The following ADAMTS9 variants were observed in gnomAD, a reference collection of about 807,000 sequenced individuals.
The protein encoded by ADAMTS9 is A disintegrin and metalloproteinase with thrombospondin motifs 9.
A neutral mutation model predicts 257.1 loss-of-function variants in ADAMTS9; 107 were observed. The observed-to-expected ratio is 0.42, with a 90% CI of 0.36 to 0.49. The LOEUF (loss-of-function observed/expected upper bound fraction) is 0.49. Ranked by LOEUF, ADAMTS9 falls within the 20% of genes least tolerant of loss-of-function variation. The pLI is 0.03. For synonymous variants in ADAMTS9, 982 were observed against 880.9 expected, an observed-to-expected ratio of 1.11 and a Z score of -2.03; for missense variants, 2,353 against 2,469.1, an observed-to-expected ratio of 0.95 and a Z score of 1.00.
intron 22 of ADAMTS9, among the ~76,000 whole-genome samples, chr3:64,610,914 A>C (rs939657872): frequency 1.3e-5 from 2 of 151,836 alleles, no homozygotes; most frequent in African/African-American, 2.4e-5. Flanking sequence ...GTCTCTACTA[A>C]AAATACAAAA....
chr3:64,649,958 T>A, intron 9 of ADAMTS9, 180 bp from the exon 10 acceptor site: 2 of 749,656 alleles, frequency 2.7e-6, no homozygotes, highest in Non-Finnish European at 4.1e-6. Context: ...TTTTGCTGTT[T>A]ACTTTGTAGA....
chr3:64,587,386 A>G (rs2084179634), intron 28 of ADAMTS9: 1 of 152,156 alleles, frequency 6.6e-6, no homozygotes, highest in South Asian at 2.1e-4. Context: ...ATTGTTAGAG[A>G]TGTCCTGTTG....
chr3:64,682,925 T>C (rs1701794058), intron 2 of ADAMTS9, among the ~76,000 whole-genome samples: 1 of 152,214 alleles, frequency 6.6e-6, no homozygotes, highest in African/African-American at 2.4e-5. Flanking sequence ...ATTTAGGGCA[T>C]TACCCCCTAC....
chr3:64,558,677 C>A (rs1389138906), intron 30 of ADAMTS9, among the ~76,000 whole-genome samples: 1 of 152,100 alleles, frequency 6.6e-6, no homozygotes, highest in African/African-American at 2.4e-5. Context: ...ACCAAGCATG[C>A]AATACACCTT....
chr3:64,548,316 C>T (rs1168165892), intron 31 of ADAMTS9, among the ~76,000 whole-genome samples: 2 of 152,150 alleles, frequency 1.3e-5, no homozygotes, highest in Non-Finnish European at 2.9e-5. Context: ...CATAGAAATG[C>T]TCTGTGTACA....
chr3:64,683,159 A>T (rs375653011), intron 2 of ADAMTS9, among the ~76,000 whole-genome samples: 1 of 152,286 alleles, frequency 6.6e-6, no homozygotes, highest in East Asian at 1.9e-4. Context: ...CAAATCAGAG[A>T]GCATATCACA....
chr3:64,574,571 A>AAG (rs1209323908), intron 28 of ADAMTS9, among the ~76,000 whole-genome samples: 4 of 151,688 alleles, frequency 2.6e-5, no homozygotes, highest in Admixed American at 6.6e-5. Context: ...AAAAAAAAAA[A>AAG]AAAAAAGAAA....
At chr3:64,557,804 C>T (rs2083359664) in intron 30 of ADAMTS9, among the ~76,000 whole-genome samples, 1 of 152,162 alleles carries the variant, frequency 6.6e-6, no homozygotes. Context: ...CAGAATTTTG[C>T]CTACAACATG....
At chr3:64,668,080 G>A (rs1453817624) in intron 3 of ADAMTS9, among the ~76,000 whole-genome samples, 1 of 152,030 alleles carries the variant, frequency 6.6e-6, no homozygotes, top group Non-Finnish European at 1.5e-5. Flanking sequence ...CGCCTGTCAG[G>A]GTGCCAACTG....
intron 28 of ADAMTS9, chr3:64,588,440 A>C (rs1169069051): frequency 6.6e-6 from 1 of 151,918 alleles, no homozygotes. Context: ...TTAAAGAAAC[A>C]ACCCAGAGTT....
intron 2 of ADAMTS9, chr3:64,685,205 C>G (rs565615731): frequency 6.6e-6 from 1 of 152,378 alleles, no homozygotes; most frequent in African/African-American, 2.4e-5. Flanking sequence ...GCTAGAACTA[C>G]CCCCTCCCAG....
intron 26 of ADAMTS9, among the ~76,000 whole-genome samples, chr3:64,600,270 G>A (rs1157652066): frequency 6.6e-6 from 1 of 152,046 alleles, no homozygotes; most frequent in Non-Finnish European, 1.5e-5. Context: ...CAAAGATGAC[G>A]TACATCCTTC....
intron 28 of ADAMTS9, among the ~76,000 whole-genome samples, chr3:64,578,512 C>T (rs113064568): frequency 0.013 from 2,051 of 152,206 alleles, 45 homozygotes; most frequent in African/African-American, 0.044. Flanking sequence ...GCTATGAATA[C>T]GGTGTTAGGA....
At position 64,516,639 on chromosome 3, in the gene ADAMTS9, A is replaced by G. The variant is rs1318532546; in HGVS notation, c.*488T>C. ...GTACAATCTGTGATATCACTAACAT[A>G]CTTATTGGCTGATACTTGCCTAGAA... On this transcript the variant is annotated 3_prime_UTR_variant, in exon 40 of 40. Transcript: ENST00000498707. 1 of 152,624 alleles carries G rather than the reference A, an allele frequency of 6.6e-6. No homozygotes were observed. The highest frequency in any genetic ancestry group is 2.1e-4 in the South Asian group (1 of 4,826). The allele number at this position is 152,624 out of a possible 1,614,324, so 9.5% of individuals were successfully genotyped here. A position where few individuals can be genotyped will look rare whatever the true frequency, so the allele number is the denominator to read the frequency against.
chr3:64,561,861 T>C, intron 29 of ADAMTS9, 110 bp from the exon 30 acceptor site: 1 of 908,556 alleles, frequency 1.1e-6, no homozygotes, highest in South Asian at 1.7e-5. Flanking sequence ...CCAATGACTT[T>C]CATAGCTATC....
In ADAMTS9 at chr3:64,596,956, A is replaced by T; in HGVS notation, c.4053T>A (p.Arg1351=). The change falls in exon 27 of 40, where the codon CGT becomes CGA. Residue 1351 remains arginine (R), a synonymous_variant. Transcript: ENST00000498707. ...CATTTTCATCCTGACATACAACAACACGCCGCTGGGATCCGCCAGCACAGG... is the reference window on the plus strand; with the variant it reads ...CATTTTCATCCTGACATACAACAACTCGCCGCTGGGATCCGCCAGCACAGG... The part of the protein sequence containing the change: ...SSTCAGGSQR[R]VVVCQDENGY... 6.2e-7 allele frequency: 1 copy of T among 1,613,830 alleles called. No individual in the cohort carries two copies. The highest frequency in any genetic ancestry group is 2.2e-5 in the East Asian group (1 of 44,840).
intron 28 of ADAMTS9, chr3:64,588,289 T>C (rs2084197216): frequency 6.6e-6 from 1 of 152,162 alleles, no homozygotes; most frequent in Admixed American, 6.6e-5. Context: ...TTGTTTAGTA[T>C]TGATTTAATA....
intron 16 of ADAMTS9, among the ~76,000 whole-genome samples, chr3:64,625,558 G>T (rs77905656): frequency 6.6e-6 from 1 of 152,094 alleles, no homozygotes; most frequent in Non-Finnish European, 1.5e-5. Context: ...CCTTACTGAC[G>T]CAGGGCTATT....
intron 31 of ADAMTS9, among the ~76,000 whole-genome samples, chr3:64,549,280 CCT>C (rs2083240518): frequency 6.6e-6 from 1 of 152,068 alleles, no homozygotes; most frequent in Non-Finnish European, 1.5e-5. Context: ...CAATCTTCTC[CCT>C]GTTTCATCTT....
Sources: gnomAD v4.1 joint callset for allele counts (sites outside exome capture counted in the v4.1 genomes callset) on GRCh38, gnomAD v4.1.1 for gene constraint, MANE v1.5 for transcripts, NCBI Gene and HGNC (gene_info 2026-07-23, HGNC 2026-07-21) for gene names.